Variants in COL4A3 observed in about 807,000 individuals in gnomAD.
COL4A3 encodes the protein collagen type IV alpha 3 chain.
In COL4A3, 135 loss-of-function variants were observed where a neutral mutation model predicts 217.4. The ratio of observed to expected loss-of-function variants is 0.62; its 90% CI spans 0.54 to 0.72. The LOEUF (loss-of-function observed/expected upper bound fraction) is 0.72, where lower values mean the gene tolerates loss of function less well. Among genes scored for constraint, COL4A3 ranks in the 30% least tolerant of loss-of-function variants. The pLI, the probability that COL4A3 is intolerant of heterozygous loss-of-function variation, is 0.00. For missense variants in COL4A3, 1,868 were observed against 2,119.9 expected (o/e 0.88, Z 2.33); for synonymous variants, 690 against 736.3 (o/e 0.94, Z 1.02).
intron 1 of COL4A3, among the ~76,000 whole-genome samples, chr2:227,196,871 G>T (rs1194835648): frequency 2.0e-5 from 3 of 151,750 alleles, no homozygotes; most frequent in Admixed American, 1.3e-4. Flanking sequence ...CATGTGGTTT[G>T]GATGTGTCCC....
At position 227,253,687 on chromosome 2, in the gene COL4A3, T is replaced by G. The variant is rs12621551; in HGVS notation, c.765+49T>G. ...GTGTTGTGCCTTCCCGTGTCTAGGA[T>G]GAAGTCCTTGTGACCCTGCACCTCT... On this transcript the variant is annotated intron_variant, in intron 13 of 51. Coordinates refer to ENST00000396578, the MANE Select transcript of COL4A3 (RefSeq NM_000091.5). This position sits in a 1 kb window ranked among gnomAD's most constrained non-coding sequence, Gnocchi z 4.4. 0.81 allele frequency: 1,210,720 copies of G among 1,491,480 alleles called. 492,651 individuals are homozygous for G. Among genetic ancestry groups the G allele is most frequent in the East Asian group, 0.93 (41,123 of 44,328 alleles). 92.4% of individuals were successfully genotyped at this position (1,491,480 alleles called of 1,614,324 possible). A position where few individuals can be genotyped will look rare whatever the true frequency, so the allele number is the denominator to read the frequency against.
chr2:227,179,902 T>G (rs999707618), intron 1 of COL4A3, among the ~76,000 whole-genome samples: 1 of 152,144 alleles, frequency 6.6e-6, no homozygotes, highest in Non-Finnish European at 1.5e-5. Flanking sequence ...GATTGATAAA[T>G]GTACTGAACA....
chr2:227,255,927 T>C, intron 15 of COL4A3, 99 bp from the exon 16 acceptor site: 1 of 1,223,182 alleles, frequency 8.2e-7, no homozygotes. Flanking sequence ...TTTTCATGCC[T>C]GAGGTCAAGA....
intron 50 of COL4A3, among the ~76,000 whole-genome samples, chr2:227,309,798 TG>T (rs2073671630): frequency 1.3e-5 from 2 of 152,048 alleles, no homozygotes; most frequent in African/African-American, 4.8e-5. Flanking sequence ...TTGTTTGTTT[TG>T]TTTTTTTAGT....
At chr2:227,263,177 T>C (rs2070695830) in intron 20 of COL4A3, among the ~76,000 whole-genome samples, 1 of 152,242 alleles carries the variant, frequency 6.6e-6, no homozygotes, top group South Asian at 2.1e-4. Context: ...AATCAGATAT[T>C]ACCCCGGCTG....
At chr2:227,207,308 C>T (rs1204335818) in intron 1 of COL4A3, among the ~76,000 whole-genome samples, 1 of 152,156 alleles carries the variant, frequency 6.6e-6, no homozygotes, top group Non-Finnish European at 1.5e-5. Context: ...ATAAAACACA[C>T]ACTAAAAAAA....
At chr2:227,214,089 A>G (rs2067434920) in intron 1 of COL4A3, among the ~76,000 whole-genome samples, 1 of 152,104 alleles carries the variant, frequency 6.6e-6, no homozygotes, top group African/African-American at 2.4e-5. Flanking sequence ...ATTGGAGTCC[A>G]CTTCATTTTA....
chr2:227,290,226 G>A (rs974997955), intron 36 of COL4A3, 138 bp downstream of exon 36: 27 of 789,456 alleles, frequency 3.4e-5, no homozygotes, highest in Non-Finnish European at 3.2e-5. Context: ...GGCCGGGCAC[G>A]GTGGCTCATG....
intron 13 of COL4A3, 51 bp from the exon 14 acceptor site, chr2:227,254,061 T>C (rs1167729409): frequency 3.9e-6 from 6 of 1,526,386 alleles, no homozygotes; most frequent in Non-Finnish European, 1.8e-6. Context: ...GTTGAATCAG[T>C]GAAATCTCAT....
At chr2:227,173,234 T>G (rs2065554881) in intron 1 of COL4A3, among the ~76,000 whole-genome samples, 1 of 152,186 alleles carries the variant, frequency 6.6e-6, no homozygotes, top group South Asian at 2.1e-4. Flanking sequence ...AAATTCTCAG[T>G]GTTAGACATC....
At chr2:227,234,828 C>T (rs2068603027) in intron 1 of COL4A3, among the ~76,000 whole-genome samples, 1 of 152,182 alleles carries the variant, frequency 6.6e-6, no homozygotes. Context: ...AAAATTAAGC[C>T]TGTCTCAAGG....
intron 1 of COL4A3, among the ~76,000 whole-genome samples, chr2:227,210,079 G>A (rs1162186293): frequency 1.3e-5 from 2 of 152,164 alleles, no homozygotes; most frequent in African/African-American, 4.8e-5. Flanking sequence ...TTAATACAGT[G>A]CCAGGCATGT....
chr2:227,240,044 C>T lies in COL4A3; in HGVS notation c.145-99C>T, dbSNP rs7579991. ...CAAGGAAAAAACATGCAAAGAGTCA[C>T]CATGAAGTCATAAACAAGAGAACAT... On this transcript the variant is annotated intron_variant, in intron 2 of 51. Coordinates refer to ENST00000396578, the MANE Select transcript of COL4A3 (RefSeq NM_000091.5). The T allele has an allele frequency of 0.83, 882,894 of 1,066,272 alleles. 367,433 individuals are homozygous for T. The highest frequency in any genetic ancestry group is 0.89 in the East Asian group (34,349 of 38,624). 66.1% of individuals were successfully genotyped at this position (1,066,272 alleles called of 1,614,324 possible).
intron 9 of COL4A3, 59 bp from the exon 10 acceptor site, chr2:227,251,075 AATGGAC>A: frequency 8.5e-7 from 1 of 1,176,636 alleles, no homozygotes; most frequent in East Asian, 2.3e-5. Context: ...GCATTTAATT[AATGGAC>A]ATTGTTATTA....
intron 4 of COL4A3, 100 bp from the exon 5 acceptor site, chr2:227,244,851 G>A (rs763292121): frequency 1.4e-5 from 17 of 1,257,678 alleles, no homozygotes; most frequent in Non-Finnish European, 1.7e-5. Context: ...TATAGTGGAG[G>A]AAAAAGATTA....
intron 47 of COL4A3, 88 bp from the exon 48 acceptor site, chr2:227,307,622 T>A: frequency 9.2e-7 from 1 of 1,081,114 alleles, no homozygotes; most frequent in Non-Finnish European, 1.4e-6. Flanking sequence ...GGGCTCAACA[T>A]ATATAAAATA....
At chr2:227,297,531 A>G in intron 41 of COL4A3, 143 bp from the exon 42 acceptor site, 1 of 742,606 alleles carries the variant, frequency 1.3e-6, no homozygotes, top group East Asian at 2.8e-5. Flanking sequence ...TACCAGCAAT[A>G]TATTATAAAA....
At chr2:227,237,805 T>C (rs753492708) in intron 1 of COL4A3, 163 bp from the exon 2 acceptor site, 29 of 640,510 alleles carry the variant, frequency 4.5e-5, no homozygotes, top group Non-Finnish European at 7.7e-5. Flanking sequence ...TTGCTATTCA[T>C]ATATTGATAT....
rs973432580 is a variant in COL4A3 at position 227,308,748 on chromosome 2, C to T, written c.4463-151C>T. 15 of 803,294 alleles carry T rather than the reference C, an allele frequency of 1.9e-5. No individual in the cohort carries two copies. The East Asian group carries it at 3.7e-4, about 20-fold the overall frequency. The allele number at this position is 803,294 out of a possible 1,614,324, so 49.8% of individuals were successfully genotyped here. On this transcript the variant is annotated intron_variant, in intron 48 of 51. Coordinates refer to ENST00000396578, the MANE Select transcript of COL4A3 (RefSeq NM_000091.5). ...TCTTTGATTTCTATCAGTATGAAAACTTTTCAATACTACATTTTGCAGATA... is the reference window on the plus strand; with the variant it reads ...TCTTTGATTTCTATCAGTATGAAAATTTTTCAATACTACATTTTGCAGATA...
Sources: allele counts gnomAD v4.1 joint callset (sites outside exome capture counted in the v4.1 genomes callset), GRCh38; gene constraint gnomAD v4.1.1; non-coding constraint Gnocchi (gnomAD v3.1); transcripts MANE v1.5; gene names NCBI Gene and HGNC (gene_info 2026-07-23, HGNC 2026-07-21).